CNTLN: variants seen among roughly 807,000 people sequenced by gnomAD.
The protein encoded by CNTLN is centlein, also known as centlein, centrosomal protein.
In CNTLN, 212 loss-of-function variants were observed where a neutral mutation model predicts 180.0. That is an observed-to-expected ratio of 1.18 (90% CI 1.05 to 1.32). The LOEUF (loss-of-function observed/expected upper bound fraction) is 1.32. CNTLN is among the 40% of genes most tolerant of loss of function. CNTLN has a pLI of 0.00. For synonymous variants in CNTLN, 722 were observed against 563.1 expected (o/e 1.28, Z -3.99); for missense variants, 2,095 against 1,610.9 (o/e 1.30, Z -5.14).
At chr9:17,359,016 C>T (rs185906639) in intron 12 of CNTLN, among the ~76,000 whole-genome samples, 306 of 151,848 alleles carry the variant, frequency 2.0e-3, no homozygotes, top group Middle Eastern at 6.8e-3. Flanking sequence ...CTCTCCCCTC[C>T]CCTCCCCTCC....
At chr9:17,394,352 T>C (rs1826329121) in intron 14 of CNTLN, among the ~76,000 whole-genome samples, 182 bp from the exon 15 acceptor site, 1 of 152,228 alleles carries the variant, frequency 6.6e-6, no homozygotes, top group Admixed American at 6.5e-5. Flanking sequence ...ATTCAACAGA[T>C]ACATTATTGC....
chr9:17,446,883 C>G (rs925882968), intron 18 of CNTLN, among the ~76,000 whole-genome samples: 9 of 152,072 alleles, frequency 5.9e-5, no homozygotes, highest in African/African-American at 1.2e-4. Context: ...CTAGGAAAAC[C>G]AAGTTTAATC....
intron 2 of CNTLN, among the ~76,000 whole-genome samples, chr9:17,146,272 C>T (rs927210147): frequency 1.3e-5 from 2 of 151,580 alleles, no homozygotes; most frequent in African/African-American, 4.8e-5. Flanking sequence ...TGGATTTGAC[C>T]TTCTTCTCTC....
At chr9:17,242,796 G>A (rs1040035591) in intron 5 of CNTLN, among the ~76,000 whole-genome samples, 12 of 152,110 alleles carry the variant, frequency 7.9e-5, no homozygotes, top group African/African-American at 2.7e-4. Flanking sequence ...AGGAATATTG[G>A]CCTGTAGTTT....
chr9:17,412,420 G>T (rs1367345681), intron 16 of CNTLN, among the ~76,000 whole-genome samples: 1 of 152,190 alleles, frequency 6.6e-6, no homozygotes, highest in Admixed American at 6.5e-5. Context: ...GATGACAGAT[G>T]TTGGAGTTAC....
intron 8 of CNTLN, among the ~76,000 whole-genome samples, chr9:17,323,487 T>C (rs115701882): frequency 0.012 from 1,888 of 152,300 alleles, 42 homozygotes; most frequent in African/African-American, 0.043. Context: ...CCTCCATATG[T>C]TCTTGCTGCA....
At chr9:17,478,213 A>C (rs80269192) in intron 23 of CNTLN, among the ~76,000 whole-genome samples, 7,282 of 152,292 alleles carry the variant, frequency 0.048, 345 homozygotes, top group African/African-American at 0.12. Flanking sequence ...GGGAAACCAA[A>C]AACATTGTAT....
At chr9:17,460,999 G>A (rs779487231) in intron 19 of CNTLN, among the ~76,000 whole-genome samples, 17 of 151,600 alleles carry the variant, frequency 1.1e-4, no homozygotes, top group Admixed American at 4.0e-4. Context: ...GAGAAAAAAA[G>A]GCAATATGAA....
chr9:17,264,526 G>A, intron 5 of CNTLN, among the ~76,000 whole-genome samples: 1 of 150,114 alleles, frequency 6.7e-6, no homozygotes, highest in Non-Finnish European at 1.5e-5. Context: ...GGGTGATGTG[G>A]GCTCTCTTTT....
At chr9:17,372,214 T>C (rs1337149409) in intron 13 of CNTLN, among the ~76,000 whole-genome samples, 1 of 152,094 alleles carries the variant, frequency 6.6e-6, no homozygotes, top group Non-Finnish European at 1.5e-5. Context: ...TACAAACGTT[T>C]AACCAGACTA....
chr9:17,135,828 T>A (rs1407515912), intron 1 of CNTLN, among the ~76,000 whole-genome samples: 10 of 152,136 alleles, frequency 6.6e-5, no homozygotes, highest in Non-Finnish European at 1.5e-4. Flanking sequence ...TCGGTTAGAG[T>A]AAAATCCATC....
At chr9:17,216,024 C>T (rs1305225261) in intron 2 of CNTLN, among the ~76,000 whole-genome samples, 1 of 152,156 alleles carries the variant, frequency 6.6e-6, no homozygotes, top group Non-Finnish European at 1.5e-5. Context: ...CCTCACCCTG[C>T]TTTGGCTCAC....
chr9:17,518,713 A>G, the CNTLN span, among the ~76,000 whole-genome samples: 1 of 152,122 alleles, frequency 6.6e-6, no homozygotes, highest in South Asian at 2.1e-4. Context: ...TGTGAGTGTA[A>G]GTACCATGTA....
chr9:17,252,377 A>G (rs1826196316), intron 5 of CNTLN, among the ~76,000 whole-genome samples: 1 of 151,582 alleles, frequency 6.6e-6, no homozygotes, highest in Non-Finnish European at 1.5e-5. Flanking sequence ...GAGTTCTGTT[A>G]TATACGCTGT....
chr9:17,155,937 T>G (rs1819252086), intron 2 of CNTLN, among the ~76,000 whole-genome samples: 1 of 152,188 alleles, frequency 6.6e-6, no homozygotes, highest in Non-Finnish European at 1.5e-5. Flanking sequence ...GTATCTGTGC[T>G]GGAGTTCCTC....
chr9:17,157,865 C>T lies in CNTLN; in HGVS notation c.449+14489C>T, dbSNP rs555493896. On this transcript the variant is annotated intron_variant, in intron 2 of 25. Coordinates refer to ENST00000380647, the MANE Select transcript of CNTLN (RefSeq NM_017738.4). ...ATGCAAAGCAACCACAGGTTGTCCA[C>T]ATGGGTAGCTGAGATAGTGACACCT... 2.6e-5 allele frequency among the ~76,000 whole-genome samples: 4 copies of T among 152,326 alleles called. No homozygotes were observed. The South Asian group carries it at 8.3e-4, about 32-fold the overall frequency.
intron 18 of CNTLN, among the ~76,000 whole-genome samples, chr9:17,434,262 A>G (rs143631932): frequency 6.6e-6 from 1 of 151,502 alleles, no homozygotes; most frequent in Non-Finnish European, 1.5e-5. Context: ...TATCTTTATT[A>G]GTTCCTTTTT....
intron 13 of CNTLN, among the ~76,000 whole-genome samples, chr9:17,384,331 C>T (rs1047153551): frequency 2.6e-5 from 4 of 151,026 alleles, no homozygotes; most frequent in Admixed American, 6.6e-5. Flanking sequence ...TCCTACCTCT[C>T]GTCCTAGAAA....
chr9:17,396,871 T>A (rs1355280442), intron 15 of CNTLN, among the ~76,000 whole-genome samples: 1 of 152,228 alleles, frequency 6.6e-6, no homozygotes, highest in African/African-American at 2.4e-5. Context: ...AACATATTCA[T>A]GAAGGAAAGG....
Sources: allele counts gnomAD v4.1 joint callset (sites outside exome capture counted in the v4.1 genomes callset), GRCh38; gene constraint gnomAD v4.1.1; transcripts MANE v1.5; gene names NCBI Gene and HGNC (gene_info 2026-07-23, HGNC 2026-07-21).